MAP1LC3A: variants seen among roughly 807,000 people sequenced by gnomAD.
The protein encoded by MAP1LC3A is microtubule associated protein 1 light chain 3 alpha.
In MAP1LC3A, 10 loss-of-function variants were observed where a neutral mutation model predicts 15.2. That is an observed-to-expected ratio of 0.66 (90% confidence interval 0.41 to 1.12). The LOEUF (loss-of-function observed/expected upper bound fraction) is 1.12. Among genes scored for constraint, MAP1LC3A ranks in the 50% most tolerant of loss-of-function variants. The pLI, the probability that MAP1LC3A is intolerant of heterozygous loss-of-function variation, is 0.00. For missense variants in MAP1LC3A, 138 were observed against 167.3 expected (o/e 0.82, Z 0.97); for synonymous variants, 63 against 64.3 (o/e 0.98, Z 0.10).
chr20:34,559,529 T>G (rs1600574466), intron 3 of MAP1LC3A, 76 bp downstream of exon 3: 1 of 1,392,392 alleles, frequency 7.2e-7, no homozygotes. Flanking sequence ...GGGGTGGGAG[T>G]GGGGTCAGGG....
chr20:34,559,080 C>T, intron 1 of MAP1LC3A, 128 bp from the exon 2 acceptor site: 2 of 1,340,000 alleles, frequency 1.5e-6, no homozygotes, highest in South Asian at 1.7e-5. Context: ...GTGCCAGGGG[C>T]TGTGGGGCCT....
upstream of MAP1LC3A, among the ~76,000 whole-genome samples, chr20:34,554,002 T>C (rs1426340395): frequency 6.6e-6 from 1 of 152,222 alleles, no homozygotes; most frequent in African/African-American, 2.4e-5. Flanking sequence ...AGGAAAGACA[T>C]GGGCATCTTC....
chr20:34,554,343 C>G (rs1382401817), upstream of MAP1LC3A, among the ~76,000 whole-genome samples: 1 of 125,210 alleles, frequency 8.0e-6, no homozygotes, highest in Admixed American at 8.0e-5. Context: ...TACATGTTTA[C>G]TATACGTTGG....
rs1311632292 is a variant in MAP1LC3A at position 34,558,718 on chromosome 20, G to A, written c.-151G>A. On this transcript the variant is annotated 5_prime_UTR_variant, in exon 1 of 4. Transcript: ENST00000360668. The surrounding 1 kb of genome is among the most constrained non-coding windows in gnomAD (Gnocchi z 4.3). The stretch of plus-strand genomic sequence containing the variant: ...AGGAATGTTGTGACCTGACGTCACC[G>A]GGCGAGTTACCTCCCGCAGCCGCAG... 2.3e-6 allele frequency: 3 copies of A among 1,291,004 alleles called. No individual in the cohort carries two copies. In the South Asian group the frequency reaches 7.1e-5, roughly 30 times the overall value. 80.0% of individuals were successfully genotyped at this position (1,291,004 alleles called of 1,614,324 possible). A position where few individuals can be genotyped will look rare whatever the true frequency, so the allele number is the denominator to read the frequency against.
At chr20:34,557,745 T>C (rs1982212079), upstream of MAP1LC3A, among the ~76,000 whole-genome samples, 1 of 152,068 alleles carries the variant, frequency 6.6e-6, no homozygotes, top group African/African-American at 2.4e-5. Context: ...GCCAACATGG[T>C]GAAACTCCAT....
chr20:34,551,467 CTTTTT>C (rs58191574), intron 2 of MAP1LC3A, among the ~76,000 whole-genome samples: 1,527 of 104,774 alleles, frequency 0.015, 44 homozygotes, highest in African/African-American at 0.055. Flanking sequence ...GAACGCTGTC[CTTTTT>C]TTTTTTTTTT....
upstream of MAP1LC3A, chr20:34,558,559 CTG>C: frequency 8.6e-7 from 1 of 1,168,250 alleles, no homozygotes; most frequent in Non-Finnish European, 1.1e-6. The surrounding 1 kb of genome is among the most constrained non-coding windows in gnomAD (Gnocchi z 4.3). Context: ...CGTCACGGGA[CTG>C]TGACGCGCCC....
intron 3 of MAP1LC3A, 135 bp downstream of exon 3, chr20:34,559,588 C>T: frequency 1.6e-6 from 2 of 1,237,042 alleles, no homozygotes; most frequent in Admixed American, 2.0e-5. Context: ...CTGGAAAGGT[C>T]AAGGTCGGGG....
At chr20:34,558,063 G>C (rs1288717551), upstream of MAP1LC3A, 8 of 985,158 alleles carry the variant, frequency 8.1e-6, no homozygotes, top group Admixed American at 6.2e-5. The surrounding 1 kb of genome is among the most constrained non-coding windows in gnomAD (Gnocchi z 4.3). Context: ...AGCTCTGCTC[G>C]GGCCCGCGAG....
rs1600573070 is a variant in MAP1LC3A, at chr20:34,558,944, A to C, written c.40+36A>C. ...GCAGGCGAGCTGCGAGCTCTGGGGC[A>C]GGGGTGCCGGCCGACCCCGACTGCC... On this transcript the variant is annotated intron_variant, in intron 1 of 3. Coordinates refer to ENST00000360668, the MANE Select transcript of MAP1LC3A (RefSeq NM_032514.4). The surrounding 1 kb of genome is among the most constrained non-coding windows in gnomAD (Gnocchi z 4.3). 1.5e-6 allele frequency: 2 copies of C among 1,362,580 alleles called. No individual in the cohort carries two copies. The highest frequency in any genetic ancestry group is 9.4e-7 in the Non-Finnish European group (1 of 1,063,438). 84.4% of individuals were successfully genotyped at this position (1,362,580 alleles called of 1,614,324 possible).
upstream of MAP1LC3A, chr20:34,558,104 C>T: frequency 1.0e-6 from 1 of 985,594 alleles, no homozygotes; most frequent in African/African-American, 1.7e-5. This position sits in a 1 kb window ranked among gnomAD's most constrained non-coding sequence, Gnocchi z 4.3. Context: ...GTGCCCTTTT[C>T]CTTATTCCCC....
At chr20:34,557,915 G>A (rs959127063), upstream of MAP1LC3A, among the ~76,000 whole-genome samples, 1 of 151,914 alleles carries the variant, frequency 6.6e-6, no homozygotes, top group African/African-American at 2.4e-5. Context: ...GCGACAGAAC[G>A]AGACTTCGTC....
At chr20:34,557,761 C>T (rs1982212598), upstream of MAP1LC3A, among the ~76,000 whole-genome samples, 2 of 152,136 alleles carry the variant, frequency 1.3e-5, no homozygotes, top group Admixed American at 1.3e-4. Context: ...TCCATCTCTA[C>T]TAAAAATACA....
At chr20:34,556,442 T>C (rs956263464), upstream of MAP1LC3A, among the ~76,000 whole-genome samples, 2 of 152,226 alleles carry the variant, frequency 1.3e-5, no homozygotes, top group African/African-American at 2.4e-5. Flanking sequence ...AGGTTTTCTA[T>C]TGGGGTTCAT....
upstream of MAP1LC3A, chr20:34,558,232 C>T: frequency 1.0e-6 from 1 of 982,090 alleles, no homozygotes; most frequent in Non-Finnish European, 1.2e-6. The surrounding 1 kb of genome is among the most constrained non-coding windows in gnomAD (Gnocchi z 4.3). Flanking sequence ...GATGGCTCTA[C>T]TTTTCAATTA....
chr20:34,554,708 C>T (rs1394021869), upstream of MAP1LC3A, among the ~76,000 whole-genome samples: 18 of 151,718 alleles, frequency 1.2e-4, no homozygotes, highest in East Asian at 5.8e-4. Flanking sequence ...CTCGCTCTGT[C>T]GCCAGGCTGG....
Position 34,559,920 on chromosome 20 carries a change from CCTGGGAGTCGGG to C in MAP1LC3A, c.*24_*35del. 1 of 1,601,342 alleles carries C rather than the reference CCTGGGAGTCGGG, an allele frequency of 6.2e-7. No individual in the cohort carries two copies. On this transcript the variant is annotated 3_prime_UTR_variant, in exon 4 of 4. Transcript: ENST00000360668. ...CTGAGCCAGCAGTAGGGGGGCTCGG[CCTGGGAGTCGGG>C]CGGCCCCGGTCAGGCCCTGCCCAGA...
At chr20:34,558,533 C>T (rs939605168), upstream of MAP1LC3A, 7 of 1,111,448 alleles carry the variant, frequency 6.3e-6, no homozygotes, top group African/African-American at 1.6e-5. This position sits in a 1 kb window ranked among gnomAD's most constrained non-coding sequence, Gnocchi z 4.3. Flanking sequence ...GGGAGAAGCT[C>T]CCGCGCTGCC....
At chr20:34,555,758 T>C (rs1237297228), upstream of MAP1LC3A, among the ~76,000 whole-genome samples, 1 of 151,900 alleles carries the variant, frequency 6.6e-6, no homozygotes, top group Non-Finnish European at 1.5e-5. Flanking sequence ...CTCAAGCAAT[T>C]CTCCAGTCTG....
Sources: gnomAD v4.1 joint callset for allele counts (sites outside exome capture counted in the v4.1 genomes callset) on GRCh38, gnomAD v4.1.1 for gene constraint, Gnocchi (gnomAD v3.1) non-coding constraint, MANE v1.5 for transcripts, NCBI Gene and HGNC (gene_info 2026-07-23, HGNC 2026-07-21) for gene names.